OSTN: variants seen among roughly 807,000 people sequenced by gnomAD.
OSTN encodes osteocrin.
In OSTN, 9 loss-of-function variants were observed where a neutral mutation model predicts 12.0. The observed-to-expected ratio is 0.75, with a 90% CI of 0.45 to 1.30. The LOEUF (loss-of-function observed/expected upper bound fraction) is 1.30. Among genes scored for constraint, OSTN ranks in the 50% most tolerant of loss-of-function variants. The pLI is 0.00. For synonymous variants in OSTN, 59 were observed against 56.9 expected, an observed-to-expected ratio of 1.04 and a Z score of -0.16; for missense variants, 148 against 152.3, an observed-to-expected ratio of 0.97 and a Z score of 0.15.
At chr3:191,218,030 A>T (rs1714666915) in intron 2 of OSTN, among the ~76,000 whole-genome samples, 1 of 152,220 alleles carries the variant, frequency 6.6e-6, no homozygotes, top group Non-Finnish European at 1.5e-5. Context: ...GACTAATTAG[A>T]CAAAGTCATT....
intron 3 of OSTN, among the ~76,000 whole-genome samples, chr3:191,246,702 AAGGAAGAAGAAG>A (rs1399988165): frequency 2.0e-5 from 3 of 150,860 alleles, no homozygotes; most frequent in East Asian, 3.9e-4. Flanking sequence ...GGAGGATGAA[AAGGAAGAAGAAG>A]AGGAAGAAGA....
chr3:191,257,852 T>A (rs956636566), intron 4 of OSTN, among the ~76,000 whole-genome samples: 13 of 152,216 alleles, frequency 8.5e-5, no homozygotes, highest in Non-Finnish European at 4.4e-5. Flanking sequence ...ATTTTTAAAT[T>A]AATGTGGTAC....
chr3:191,254,136 G>A (rs1715619960), intron 4 of OSTN, among the ~76,000 whole-genome samples: 1 of 152,206 alleles, frequency 6.6e-6, no homozygotes, highest in South Asian at 2.1e-4. Flanking sequence ...TGGCATGGGA[G>A]TTGGACTAGG....
At chr3:191,227,004 G>A (rs1714929176) in intron 3 of OSTN, among the ~76,000 whole-genome samples, 1 of 151,658 alleles carries the variant, frequency 6.6e-6, no homozygotes, top group Non-Finnish European at 1.5e-5. Flanking sequence ...AAAAAATAAG[G>A]AAAAAATTAA....
intron 3 of OSTN, among the ~76,000 whole-genome samples, chr3:191,241,643 G>T (rs958702824): frequency 1.3e-5 from 2 of 152,026 alleles, no homozygotes; most frequent in African/African-American, 4.8e-5. Flanking sequence ...AAAAGTTATT[G>T]TATCCAACAA....
At chr3:191,220,313 CTCCTA>C (rs1342277145) in intron 3 of OSTN, among the ~76,000 whole-genome samples, 1 of 152,114 alleles carries the variant, frequency 6.6e-6, no homozygotes, top group African/African-American at 2.4e-5. Context: ...AAATAATCCT[CTCCTA>C]TATTTTGAAA....
chr3:191,248,089 C>T (rs1715475796), intron 3 of OSTN, among the ~76,000 whole-genome samples: 1 of 152,182 alleles, frequency 6.6e-6, no homozygotes, highest in South Asian at 2.1e-4. Flanking sequence ...CCACCTCAGC[C>T]TCCCAAAGCG....
At chr3:191,229,400 G>C (rs532283381) in intron 3 of OSTN, among the ~76,000 whole-genome samples, 2 of 152,212 alleles carry the variant, frequency 1.3e-5, no homozygotes, top group African/African-American at 4.8e-5. Context: ...TTAAAAATGA[G>C]AGGGATACCT....
intron 1 of OSTN, among the ~76,000 whole-genome samples, chr3:191,206,342 T>A (rs1286370253): frequency 1.3e-5 from 2 of 152,210 alleles, no homozygotes. Flanking sequence ...TTTCTTAACA[T>A]GTTCTTAAAA....
intron 4 of OSTN, among the ~76,000 whole-genome samples, chr3:191,258,489 C>T (rs574596448): frequency 1.3e-4 from 19 of 150,522 alleles, no homozygotes; most frequent in African/African-American, 3.9e-4. Context: ...CAGGGCCTGT[C>T]GGGGCGTAGG....
At chr3:191,223,228 G>A (rs1714815419) in intron 3 of OSTN, among the ~76,000 whole-genome samples, 1 of 152,102 alleles carries the variant, frequency 6.6e-6, no homozygotes, top group Admixed American at 6.6e-5. Context: ...GCGTTTAATA[G>A]CCATCTGAAC....
At chr3:191,234,628 C>G (rs1715142899) in intron 3 of OSTN, 2 of 142,674 alleles carry the variant, frequency 1.4e-5, no homozygotes, top group African/African-American at 5.4e-5. Flanking sequence ...ACCCGGGAGG[C>G]AGAGGTTGCA....
At chr3:191,244,021 A>C (rs1173999879) in intron 3 of OSTN, among the ~76,000 whole-genome samples, 1 of 152,132 alleles carries the variant, frequency 6.6e-6, no homozygotes, top group Non-Finnish European at 1.5e-5. Context: ...GAGAAGGAAT[A>C]CCAGAATTTC....
intron 3 of OSTN, chr3:191,234,424 C>G: frequency 6.6e-6 from 1 of 152,170 alleles, no homozygotes; most frequent in East Asian, 1.9e-4. Context: ...TGGCCGGGTG[C>G]AGTGGCTCAT....
At chr3:191,239,885 G>A (rs938340277) in intron 3 of OSTN, among the ~76,000 whole-genome samples, 2 of 152,060 alleles carry the variant, frequency 1.3e-5, no homozygotes, top group South Asian at 4.1e-4. Context: ...TCAGGTTATC[G>A]GCTTGCTTCC....
intron 3 of OSTN, among the ~76,000 whole-genome samples, chr3:191,221,525 T>C (rs1184562811): frequency 6.6e-6 from 1 of 152,020 alleles, no homozygotes; most frequent in Admixed American, 6.6e-5. Context: ...TGTTGGGAAA[T>C]GAATTAAAGG....
At chr3:191,224,777 G>A (rs949989567) in intron 3 of OSTN, among the ~76,000 whole-genome samples, 1 of 151,882 alleles carries the variant, frequency 6.6e-6, no homozygotes, top group Non-Finnish European at 1.5e-5. Context: ...TTTTATTTTT[G>A]CATTTTTATT....
intron 3 of OSTN, among the ~76,000 whole-genome samples, chr3:191,221,825 G>T (rs939225730): frequency 3.9e-5 from 6 of 152,194 alleles, no homozygotes; most frequent in African/African-American, 1.4e-4. Flanking sequence ...TATCTCCAGG[G>T]CATGTCAGAA....
chr3:191,245,245 T>C (rs1715402622), intron 3 of OSTN, among the ~76,000 whole-genome samples: 1 of 152,196 alleles, frequency 6.6e-6, no homozygotes, highest in Admixed American at 6.5e-5. Flanking sequence ...AGAGGTAACC[T>C]TTGTCTTATT....
Sources: allele counts gnomAD v4.1 joint callset (sites outside exome capture counted in the v4.1 genomes callset), GRCh38; gene constraint gnomAD v4.1.1; transcripts MANE v1.5; gene names NCBI Gene and HGNC (gene_info 2026-07-23, HGNC 2026-07-21).